The following TNRC6C variants were observed in gnomAD, a reference collection of about 807,000 sequenced individuals.
TNRC6C encodes trinucleotide repeat containing adaptor 6C, also known as trinucleotide repeat-containing gene 6C protein.
TNRC6C carries 20 observed loss-of-function variants against 153.7 expected under a neutral mutation model. The observed-to-expected ratio is 0.13, with a 90% CI of 0.09 to 0.19. The LOEUF is 0.19. Ranked by LOEUF, TNRC6C falls within the 10% of genes least tolerant of loss-of-function variation. TNRC6C has a pLI of 1.00. For missense variants in TNRC6C, 1,987 were observed against 2,172.0 expected (o/e 0.91, Z 1.69); for synonymous variants, 811 against 841.4 (o/e 0.96, Z 0.63).
chr17:78,086,360 A>AAAC (rs1491522597), intron 11 of TNRC6C, 143 bp from the exon 14 acceptor site: 1 of 287,308 alleles, frequency 3.5e-6, no homozygotes. Context: ...AAAAAAAAAA[A>AAAC]CAGTATGTGT....
chr17:78,084,608 T>A (rs545292601), intron 11 of TNRC6C, among the ~76,000 whole-genome samples: 10 of 142,496 alleles, frequency 7.0e-5, no homozygotes, highest in Non-Finnish European at 1.1e-4. Flanking sequence ...GACTGTTTTT[T>A]CTTTTTCTTT....
exon 20 of TNRC6C, chr17:78,105,226 C>T (rs955831333): frequency 5.7e-5 from 10 of 174,954 alleles, no homozygotes; most frequent in African/African-American, 2.1e-4. Flanking sequence ...GGGAGGGAGA[C>T]GTGAAGCCTA....
chr17:78,099,856 T>C (rs2073557993), intron 17 of TNRC6C, among the ~76,000 whole-genome samples: 2 of 152,206 alleles, frequency 1.3e-5, no homozygotes, highest in Non-Finnish European at 1.5e-5. Flanking sequence ...CCTACAAGCC[T>C]GTAAAATCAA....
chr17:77,993,119 G>A (rs1017113705), intron 1 of TNRC6C, among the ~76,000 whole-genome samples: 1 of 152,042 alleles, frequency 6.6e-6, no homozygotes, highest in African/African-American at 2.4e-5. Context: ...CCGCCATCAT[G>A]CCCAGCTAAT....
intron 5 of TNRC6C, 108 bp downstream of exon 7, chr17:78,068,031 T>A: frequency 7.4e-7 from 1 of 1,357,966 alleles, no homozygotes; most frequent in Non-Finnish European, 9.8e-7. Flanking sequence ...GTTCTCAAAG[T>A]AGTCTTAGGA....
At chr17:78,062,941 G>A (rs2072797048) in intron 3 of TNRC6C, among the ~76,000 whole-genome samples, 1 of 152,034 alleles carries the variant, frequency 6.6e-6, no homozygotes, top group Non-Finnish European at 1.5e-5. Flanking sequence ...GAGAACAGAA[G>A]ACATTATTAA....
At chr17:77,997,742 C>T (rs563074076) in intron 1 of TNRC6C, among the ~76,000 whole-genome samples, 2 of 152,154 alleles carry the variant, frequency 1.3e-5, no homozygotes, top group African/African-American at 2.4e-5. Context: ...CTGCAAGCTC[C>T]GCCTCCTGGG....
intron 1 of TNRC6C, among the ~76,000 whole-genome samples, chr17:77,974,324 A>G (rs972142627): frequency 3.3e-5 from 5 of 152,206 alleles, no homozygotes; most frequent in South Asian, 2.1e-4. Context: ...TGTCCATTCA[A>G]ATTTTCCATT....
exon 3 of TNRC6C, chr17:78,050,714 C>T: frequency 6.3e-7 from 1 of 1,580,348 alleles, no homozygotes; most frequent in Non-Finnish European, 8.6e-7. Context: ...ACTGCTGCTG[C>T]TGCCAAGAGT....
chr17:77,990,767 C>A (rs1468773148), intron 1 of TNRC6C, among the ~76,000 whole-genome samples: 1 of 152,180 alleles, frequency 6.6e-6, no homozygotes, highest in African/African-American at 2.4e-5. Context: ...TATATTATCA[C>A]CATAAAGAAT....
At chr17:77,969,270 T>G (rs889187588) in intron 1 of TNRC6C, among the ~76,000 whole-genome samples, 2 of 152,048 alleles carry the variant, frequency 1.3e-5, no homozygotes, top group African/African-American at 4.8e-5. Flanking sequence ...TTTTTTTTTT[T>G]GAGGCAGAGT....
chr17:78,084,380 T>A (rs1275388237), intron 11 of TNRC6C, among the ~76,000 whole-genome samples: 2 of 151,296 alleles, frequency 1.3e-5, no homozygotes, highest in Non-Finnish European at 2.9e-5. Flanking sequence ...GCATAAAACC[T>A]TTGCTAATGA....
intron 13 of TNRC6C, among the ~76,000 whole-genome samples, chr17:78,087,452 C>T (rs939143251): frequency 6.6e-6 from 1 of 150,518 alleles, no homozygotes; most frequent in Non-Finnish European, 1.5e-5. Context: ...ACACTAACCA[C>T]GTTGTATAGA....
chr17:78,002,417 A>T (rs1002324207), upstream of TNRC6C, among the ~76,000 whole-genome samples: 5 of 152,374 alleles, frequency 3.3e-5, 1 homozygote, highest in Admixed American at 3.3e-4. Flanking sequence ...TAACAGAAAA[A>T]TAGCCTTTGC....
Position 78,104,374 on chromosome 17 carries a change from G to A in TNRC6C, c.4713-111G>A. 7.3e-7 allele frequency: 1 copy of A among 1,376,412 alleles called. No homozygotes were observed. The highest frequency in any genetic ancestry group is 9.4e-7 in the Non-Finnish European group (1 of 1,058,538). The allele number at this position is 1,376,412 out of a possible 1,614,324, so 85.3% of individuals were successfully genotyped here. ...TGGAAATAGCAGTGGCAAAACAGAA[G>A]CCACAGGATGGCTTCCATGTGGGGC... On this transcript the variant is annotated intron_variant, in intron 19 of 19. Transcript: ENST00000301624. This position sits in a 1 kb window ranked among gnomAD's most constrained non-coding sequence, Gnocchi z 6.2.
chr17:77,995,686 G>A (rs2071317289), intron 1 of TNRC6C, among the ~76,000 whole-genome samples: 1 of 152,038 alleles, frequency 6.6e-6, no homozygotes, highest in African/African-American at 2.4e-5. Context: ...GAGACTGATT[G>A]GAGATTTTCT....
chr17:78,043,105 A>G (rs571611067), intron 2 of TNRC6C, among the ~76,000 whole-genome samples: 1 of 152,346 alleles, frequency 6.6e-6, no homozygotes, highest in South Asian at 2.1e-4. Flanking sequence ...ACCAAGAAGT[A>G]AGGAACAAGA....
chr17:78,021,544 G>A (rs1193815059), intron 1 of TNRC6C, among the ~76,000 whole-genome samples: 1 of 152,162 alleles, frequency 6.6e-6, no homozygotes, highest in Non-Finnish European at 1.5e-5. Context: ...ATTATGGAGA[G>A]GAGACATGGA....
chr17:78,026,561 T>C (rs2071945160), intron 1 of TNRC6C, among the ~76,000 whole-genome samples: 1 of 152,190 alleles, frequency 6.6e-6, no homozygotes, highest in African/African-American at 2.4e-5. Flanking sequence ...TGAAATGTGG[T>C]GGTTAGATGA....
Sources: allele counts gnomAD v4.1 joint callset (sites outside exome capture counted in the v4.1 genomes callset), GRCh38; gene constraint gnomAD v4.1.1; non-coding constraint Gnocchi (gnomAD v3.1); transcripts MANE v1.5; gene names NCBI Gene and HGNC (gene_info 2026-07-23, HGNC 2026-07-21).